The following CORIN variants were observed in gnomAD, a reference collection of about 807,000 sequenced individuals.
The protein encoded by CORIN is corin, serine peptidase.
A neutral mutation model predicts 125.3 loss-of-function variants in CORIN; 117 were observed. The observed-to-expected ratio is 0.93, with a 90% CI of 0.80 to 1.09. CORIN has a LOEUF of 1.09. Among genes scored for constraint, CORIN ranks in the 50% least tolerant of loss-of-function variants. The pLI, the probability that CORIN is intolerant of heterozygous loss-of-function variation, is 0.00. For missense variants in CORIN, 1,253 were observed against 1,306.7 expected (o/e 0.96, Z 0.63); for synonymous variants, 450 against 466.4 (o/e 0.96, Z 0.45).
chr4:47,641,698 C>T (rs1723235637), intron 16 of CORIN, among the ~76,000 whole-genome samples: 1 of 152,144 alleles, frequency 6.6e-6, no homozygotes, highest in Non-Finnish European at 1.5e-5. Context: ...ACAATTACTT[C>T]ATTTACTTTT....
intron 17 of CORIN, among the ~76,000 whole-genome samples, chr4:47,624,297 C>A (rs998946275): frequency 2.6e-5 from 4 of 152,244 alleles, no homozygotes; most frequent in African/African-American, 9.6e-5. Context: ...CACCACAATG[C>A]AAATTCAAAC....
intron 4 of CORIN, among the ~76,000 whole-genome samples, chr4:47,749,057 G>T (rs1297230708): frequency 6.6e-6 from 1 of 151,612 alleles, no homozygotes; most frequent in Non-Finnish European, 1.5e-5. Context: ...TTTACTTTTG[G>T]CAAATAAACT....
chr4:47,702,461 A>G (rs1726346535), intron 5 of CORIN, among the ~76,000 whole-genome samples: 1 of 152,150 alleles, frequency 6.6e-6, no homozygotes, highest in Non-Finnish European at 1.5e-5. Flanking sequence ...CGTTTATGGA[A>G]AGACTTAGGA....
At chr4:47,788,373 C>T (rs1167791928) in intron 2 of CORIN, among the ~76,000 whole-genome samples, 1 of 152,148 alleles carries the variant, frequency 6.6e-6, no homozygotes, top group Non-Finnish European at 1.5e-5. Context: ...TAACTGAGAT[C>T]AACAGTTTCC....
intron 14 of CORIN, among the ~76,000 whole-genome samples, 174 bp downstream of exon 14, chr4:47,644,907 C>G (rs922265577): frequency 6.6e-6 from 1 of 152,034 alleles, no homozygotes; most frequent in Non-Finnish European, 1.5e-5. Context: ...ATATTTTACA[C>G]ATATTTAGTT....
At chr4:47,815,172 G>GT (rs1468689936) in intron 1 of CORIN, among the ~76,000 whole-genome samples, 1 of 151,932 alleles carries the variant, frequency 6.6e-6, no homozygotes, top group Non-Finnish European at 1.5e-5. Flanking sequence ...ATTCTTAACC[G>GT]TATCTCCGTA....
chr4:47,837,424 A>T (rs2014934), intron 1 of CORIN: 1 of 234,430 alleles, frequency 4.3e-6, no homozygotes, highest in Non-Finnish European at 8.4e-6. Flanking sequence ...CCGGCGCCCG[A>T]GACGCCGGCG....
intron 2 of CORIN, among the ~76,000 whole-genome samples, chr4:47,790,027 A>C (rs1320429902): frequency 1.3e-5 from 2 of 152,170 alleles, no homozygotes; most frequent in African/African-American, 4.8e-5. Flanking sequence ...GTCTCAAAAA[A>C]ATAATAATAA....
intron 4 of CORIN, among the ~76,000 whole-genome samples, chr4:47,749,668 G>T (rs1728815976): frequency 6.6e-6 from 1 of 152,184 alleles, no homozygotes; most frequent in African/African-American, 2.4e-5. Context: ...ATGGTAGTTT[G>T]CAATATATAA....
intron 10 of CORIN, among the ~76,000 whole-genome samples, chr4:47,671,878 C>G (rs1158607329): frequency 6.6e-6 from 1 of 152,160 alleles, no homozygotes; most frequent in Non-Finnish European, 1.5e-5. Flanking sequence ...CGTGAGCCAC[C>G]GCGCCCGGCC....
chr4:47,640,084 A>G (rs1723177257), intron 16 of CORIN, among the ~76,000 whole-genome samples: 1 of 152,212 alleles, frequency 6.6e-6, no homozygotes, highest in African/African-American at 2.4e-5. Flanking sequence ...GTGAAATAAA[A>G]TAATCTAAAA....
intron 2 of CORIN, among the ~76,000 whole-genome samples, chr4:47,801,049 C>G (rs539318370): frequency 6.6e-6 from 1 of 152,290 alleles, no homozygotes; most frequent in East Asian, 1.9e-4. Flanking sequence ...AGCTTCAGTC[C>G]TATGCCAATG....
chr4:47,727,420 T>A (rs955622959), intron 5 of CORIN, among the ~76,000 whole-genome samples: 7 of 152,108 alleles, frequency 4.6e-5, no homozygotes, highest in Admixed American at 2.0e-4. Context: ...CTAATATGTG[T>A]CACATTTAAG....
At chr4:47,605,434 T>C (rs371588234) in intron 19 of CORIN, among the ~76,000 whole-genome samples, 4 of 152,220 alleles carry the variant, frequency 2.6e-5, no homozygotes, top group South Asian at 2.1e-4. Flanking sequence ...TCTTCATCAC[T>C]CCCTCCATCC....
At chr4:47,733,463 T>G (rs976644221) in intron 5 of CORIN, among the ~76,000 whole-genome samples, 2 of 152,216 alleles carry the variant, frequency 1.3e-5, no homozygotes, top group African/African-American at 4.8e-5. Context: ...GCTTGTGCAC[T>G]GAAATGGTTG....
intron 3 of CORIN, among the ~76,000 whole-genome samples, chr4:47,786,062 A>C (rs1240275639): frequency 6.6e-6 from 1 of 152,202 alleles, no homozygotes; most frequent in Non-Finnish European, 1.5e-5. Context: ...TTAAAACTTC[A>C]AAAACTTCAA....
chr4:47,716,559 T>C (rs900648981), intron 5 of CORIN, among the ~76,000 whole-genome samples: 1 of 152,184 alleles, frequency 6.6e-6, no homozygotes. Context: ...TCTATTTACA[T>C]AGTAAAGGAA....
In CORIN at chr4:47,786,742, T is replaced by C; in HGVS notation, c.392A>G (p.Gln131Arg). 6.2e-7 allele frequency: 1 copy of C among 1,614,082 alleles called. No homozygotes were observed. Among genetic ancestry groups the C allele is most frequent in the Non-Finnish European group, 8.5e-7 (1 of 1,179,938 alleles). Residue 131 changes from glutamine to arginine, a missense_variant, in exon 3 of 22, where the codon CAA becomes CGA. Physicochemically the swap from Gln to Arg is conservative, Grantham distance 43. Transcript: ENST00000273857. ...WTTDASLPGDQSHRNTSACMN... is the reference protein window; with the variant it reads ...WTTDASLPGDRSHRNTSACMN... ...GGACTTACTTGTATTCCTGTGACTT[T>C]GGTCCCCTGGGAGAGAAGCATCCGT... is the stretch of plus-strand genomic sequence containing the variant.
At chr4:47,668,989 T>C (rs2109682523) in intron 10 of CORIN, among the ~76,000 whole-genome samples, 1 of 152,334 alleles carries the variant, frequency 6.6e-6, no homozygotes. Flanking sequence ...ATCTTAAGCA[T>C]TAGGCTCATG....
Sources: gnomAD v4.1 joint callset for allele counts (sites outside exome capture counted in the v4.1 genomes callset) on GRCh38, gnomAD v4.1.1 for gene constraint, MANE v1.5 for transcripts, NCBI Gene and HGNC (gene_info 2026-07-23, HGNC 2026-07-21) for gene names.